TRAK1: variants seen among roughly 807,000 people sequenced by gnomAD.
The protein encoded by TRAK1 is trafficking kinesin-binding protein 1.
Under a neutral mutation model 92.1 loss-of-function variants are expected in TRAK1, and 33 were observed. That is an observed-to-expected ratio of 0.36 (90% CI 0.27 to 0.48). TRAK1 has a LOEUF of 0.48. TRAK1 is among the 20% of genes least tolerant of loss of function. The pLI is 0.99. For synonymous variants in TRAK1, 521 were observed against 517.3 expected, an observed-to-expected ratio of 1.01 and a Z score of -0.10; for missense variants, 1,123 against 1,257.9, an observed-to-expected ratio of 0.89 and a Z score of 1.62.
chr3:42,097,500 T>C (rs963217957), intron 1 of TRAK1, among the ~76,000 whole-genome samples: 6 of 152,346 alleles, frequency 3.9e-5, no homozygotes, highest in Middle Eastern at 3.4e-3. Context: ...CCCCTGATCT[T>C]GATTTACGTT....
intron 1 of TRAK1, among the ~76,000 whole-genome samples, chr3:42,074,523 T>TG: frequency 6.6e-6 from 1 of 152,328 alleles, no homozygotes; most frequent in South Asian, 2.1e-4. Flanking sequence ...GACAAGGTCT[T>TG]GGAGTGCCCA....
chr3:42,163,818 CTT>C (rs1701559239), intron 2 of TRAK1, among the ~76,000 whole-genome samples: 2 of 152,176 alleles, frequency 1.3e-5, no homozygotes, highest in African/African-American at 4.8e-5. Context: ...CTCTCCTTCT[CTT>C]GTTTGTTTCT....
intron 2 of TRAK1, among the ~76,000 whole-genome samples, chr3:42,164,476 G>C (rs1379012260): frequency 6.6e-6 from 1 of 152,214 alleles, no homozygotes; most frequent in African/African-American, 2.4e-5. Context: ...CAGATAGTTT[G>C]CACTTGTGTA....
At chr3:42,207,687 G>A (rs6784265) in intron 13 of TRAK1, among the ~76,000 whole-genome samples, 42,299 of 152,052 alleles carry the variant, frequency 0.28, 6,647 homozygotes, top group East Asian at 0.47. Context: ...CAGTGATGCT[G>A]TGGCATCTGG....
intron 1 of TRAK1, among the ~76,000 whole-genome samples, chr3:42,021,252 TAA>T (rs892768344): frequency 7.9e-5 from 12 of 152,170 alleles, no homozygotes; most frequent in Admixed American, 4.6e-4. Context: ...TAGTAGAGAA[TAA>T]AAGAGTGTCA....
intron 7 of TRAK1, among the ~76,000 whole-genome samples, chr3:42,192,550 A>G (rs73828601): frequency 0.051 from 7,688 of 150,854 alleles, 227 homozygotes; most frequent in Middle Eastern, 0.063. Flanking sequence ...CAGCAAAATA[A>G]TGATGAAACA....
intron 1 of TRAK1, among the ~76,000 whole-genome samples, chr3:42,107,362 A>AT (rs1381558889): frequency 6.6e-6 from 1 of 152,014 alleles, no homozygotes; most frequent in Non-Finnish European, 1.5e-5. Flanking sequence ...AAATACGAAA[A>AT]TTAGCCTGGC....
chr3:42,034,806 G>A (rs1702266587), intron 1 of TRAK1, among the ~76,000 whole-genome samples: 1 of 151,842 alleles, frequency 6.6e-6, no homozygotes, highest in Non-Finnish European at 1.5e-5. Flanking sequence ...AGGTGAAGGA[G>A]GGGCCCTCTT....
At chr3:42,044,097 A>G (rs1156265301) in intron 1 of TRAK1, among the ~76,000 whole-genome samples, 2 of 152,196 alleles carry the variant, frequency 1.3e-5, no homozygotes, top group African/African-American at 4.8e-5. Context: ...TTGGAATTTT[A>G]AATCAATTTT....
intron 13 of TRAK1, among the ~76,000 whole-genome samples, chr3:42,206,725 C>T (rs563132847): frequency 2.0e-5 from 3 of 152,292 alleles, no homozygotes; most frequent in Admixed American, 1.3e-4. Context: ...GAGCATGATG[C>T]GTCTTTTCAC....
intron 6 of TRAK1, among the ~76,000 whole-genome samples, chr3:42,189,651 C>T (rs1162616685): frequency 6.6e-6 from 1 of 152,110 alleles, no homozygotes; most frequent in African/African-American, 2.4e-5. Context: ...CTGTCTTAGC[C>T]TCCTGAGTAG....
intron 7 of TRAK1, 23 bp downstream of exon 7, chr3:42,191,659 T>C: frequency 1.3e-6 from 2 of 1,579,098 alleles, no homozygotes; most frequent in Non-Finnish European, 1.7e-6. Context: ...ACTGCTGTCT[T>C]CTTACTTCCT....
intron 14 of TRAK1, chr3:42,211,549 T>G (rs1400530072): frequency 7.1e-6 from 7 of 985,442 alleles, no homozygotes; most frequent in Non-Finnish European, 8.4e-6. Flanking sequence ...CTGGCTGATT[T>G]TCGTGGCTAA....
At chr3:42,152,777 G>GTGTA (rs1700099675) in intron 2 of TRAK1, among the ~76,000 whole-genome samples, 1 of 152,326 alleles carries the variant, frequency 6.6e-6, no homozygotes, top group South Asian at 2.1e-4. Flanking sequence ...CTTGGGTTCA[G>GTGTA]TGTATGTCCT....
Position 42,202,498 on chromosome 3 carries a change from C to A in TRAK1, c.1490C>A (p.Thr497Lys). 2.7e-6 allele frequency: 4 copies of A among 1,507,246 alleles called. No homozygotes were observed. Among genetic ancestry groups the A allele is most frequent in the Non-Finnish European group, 3.6e-6 (4 of 1,123,972 alleles). The allele number at this position is 1,507,246 out of a possible 1,614,324, so 93.4% of individuals were successfully genotyped here. A position where few individuals can be genotyped will look rare whatever the true frequency, so the allele number is the denominator to read the frequency against. Residue 497 changes from threonine to lysine, a missense_variant, in exon 13 of 16, where the codon ACG (threonine) becomes AAG (lysine). By Grantham distance (78) the Thr-to-Lys change is moderately conservative. This residue lies in a region of TRAK1 where 686 missense variants were observed against 747.6 expected (regional missense o/e 0.92). Transcript: ENST00000327628. This position sits in a 1 kb window ranked among gnomAD's most constrained non-coding sequence, Gnocchi z 6.1. The part of the protein sequence containing the change: ...PGTPGSHDLE[T>K]ALRRLSLRRE... ...ACCCCAGGCTCCCACGACCTGGAGACGGCGCTGAGGCGGCTGTCCCTGCGC... is the reference window on the plus strand; with the variant it reads ...ACCCCAGGCTCCCACGACCTGGAGAAGGCGCTGAGGCGGCTGTCCCTGCGC...
rs1484223360 is a variant in TRAK1 at position 42,051,894 on chromosome 3, T to C, written c.-518-35210T>C. On this transcript the variant is annotated intron_variant, in intron 1 of 16. Coordinates refer to the TRAK1 transcript ENST00000487159. ...CAGTCCTGGTGGCTATCCAGATGTGTGTGGCTGAGATTTTTTTCCTTCTTA... is the reference window on the plus strand; with the variant it reads ...CAGTCCTGGTGGCTATCCAGATGTGCGTGGCTGAGATTTTTTTCCTTCTTA... 2.0e-5 allele frequency among the ~76,000 whole-genome samples: 3 copies of C among 152,322 alleles called. No homozygotes were observed. In the East Asian group the frequency reaches 5.8e-4, roughly 29 times the overall value.
At chr3:42,014,138 C>T (rs967760665) in intron 1 of TRAK1, 5 of 152,252 alleles carry the variant, frequency 3.3e-5, no homozygotes, top group Non-Finnish European at 5.9e-5. Context: ...GGTCCGCTCA[C>T]CCGCGCCGCC....
rs60622565 is a variant in TRAK1 at position 42,157,457 on chromosome 3, C to CAAAAAAAAAAAAAAAAAAAA, written c.287-19344_287-19325dup. ...TGGGCAACAGAATGAGACCCTGTCT[C>CAAAAAAAAAAAAAAAAAAAA]AAAAAAAAAAAAAAAAAAAAAAAAA... On this transcript the variant is annotated intron_variant, in intron 2 of 15. Coordinates refer to ENST00000327628, the MANE Select transcript of TRAK1 (RefSeq NM_001042646.3). 2.2e-4 allele frequency among the ~76,000 whole-genome samples: 7 copies of CAAAAAAAAAAAAAAAAAAAA among 31,112 alleles called. 2 individuals carry two copies. The highest frequency in any genetic ancestry group is 2.8e-3 in the East Asian group (2 of 710). 20.4% of individuals were successfully genotyped at this position (31,112 alleles called of 152,430 possible).
chr3:42,123,524 C>G (rs1710175230), intron 1 of TRAK1, among the ~76,000 whole-genome samples: 1 of 152,270 alleles, frequency 6.6e-6, no homozygotes, highest in Non-Finnish European at 1.5e-5. Context: ...CTGACTGCAC[C>G]AGTCATTTCC....
Sources: gnomAD v4.1 joint callset for allele counts (sites outside exome capture counted in the v4.1 genomes callset) on GRCh38, gnomAD v4.1.1 for gene constraint, gnomAD v4.1.1 regional missense constraint, Gnocchi (gnomAD v3.1) non-coding constraint, MANE v1.5 for transcripts, NCBI Gene and HGNC (gene_info 2026-07-23, HGNC 2026-07-21) for gene names.